NDRG3: variants seen among roughly 807,000 people sequenced by gnomAD.
NDRG3 encodes the protein NDRG family member 3.
Under a neutral mutation model 57.2 loss-of-function variants are expected in NDRG3, and 23 were observed. That is an observed-to-expected ratio of 0.40 (90% CI 0.29 to 0.57). The LOEUF is 0.57. NDRG3 is among the 20% of genes least tolerant of loss of function. The pLI is 0.42. For synonymous variants in NDRG3, 132 were observed against 162.6 expected (o/e 0.81, Z 1.43); for missense variants, 384 against 457.3 (o/e 0.84, Z 1.46).
chr20:36,676,794 G>C (rs891409193), intron 8 of NDRG3, among the ~76,000 whole-genome samples: 4 of 152,256 alleles, frequency 2.6e-5, no homozygotes, highest in African/African-American at 9.6e-5. Context: ...TAGGTGAGTT[G>C]AATGCAAGTG....
intron 1 of NDRG3, among the ~76,000 whole-genome samples, chr20:36,740,728 C>T (rs1242171586): frequency 6.6e-6 from 1 of 152,114 alleles, no homozygotes; most frequent in Non-Finnish European, 1.5e-5. Flanking sequence ...GACTACTAGC[C>T]CTTTCACTGA....
At chr20:36,706,560 A>C (rs1451798972) in intron 3 of NDRG3, among the ~76,000 whole-genome samples, 1 of 152,184 alleles carries the variant, frequency 6.6e-6, no homozygotes, top group African/African-American at 2.4e-5. Flanking sequence ...GCTGGAGTGC[A>C]GTAGCACGAT....
chr20:36,706,920 A>G, intron 3 of NDRG3, 52 bp downstream of exon 3: 1 of 1,508,032 alleles, frequency 6.6e-7, no homozygotes, highest in Non-Finnish European at 9.1e-7. Flanking sequence ...CAGGAAAGGA[A>G]ACACTGCAGA....
chr20:36,713,004 C>T (rs1032886128), intron 2 of NDRG3, among the ~76,000 whole-genome samples: 1 of 152,148 alleles, frequency 6.6e-6, no homozygotes, highest in African/African-American at 2.4e-5. Context: ...AAGCAATCCT[C>T]CTGCCTCAGT....
chr20:36,715,277 G>A (rs755787669), intron 2 of NDRG3, among the ~76,000 whole-genome samples: 3 of 150,588 alleles, frequency 2.0e-5, no homozygotes, highest in Non-Finnish European at 4.4e-5. Flanking sequence ...AACTGGTTGA[G>A]GGTCATCTGG....
intron 1 of NDRG3, among the ~76,000 whole-genome samples, chr20:36,733,171 A>ATAAATATAT (rs57063755): frequency 3.0e-5 from 1 of 33,244 alleles, no homozygotes; most frequent in Non-Finnish European, 5.5e-5. Context: ...AAAAAAAAAA[A>ATAAATATAT]ATATATATAT....
rs1428018613 is a variant in NDRG3 at position 36,660,560 on chromosome 20, A to ATTTT, written c.811-177_811-176insAAAA. 5.3e-5 allele frequency among the ~76,000 whole-genome samples: 8 copies of ATTTT among 149,868 alleles called. 1 individual carries two copies. The highest frequency in any genetic ancestry group is 1.3e-4 in the Admixed American group (2 of 15,098). On this transcript the variant is annotated intron_variant, in intron 12 of 15. Coordinates refer to ENST00000349004, the MANE Select transcript of NDRG3 (RefSeq NM_032013.4). ...GATATATTTATTTATTTATTTATTTATTTATTTATTTTTTTTTTGAGACGG... is the reference window on the plus strand; with the variant it reads ...GATATATTTATTTATTTATTTATTTATTTTTTTATTTATTTTTTTTTTGAGACGG...
At chr20:36,688,907 C>T in intron 3 of NDRG3, 123 bp from the exon 4 acceptor site, 1 of 725,722 alleles carries the variant, frequency 1.4e-6, no homozygotes, top group South Asian at 1.6e-5. Context: ...TAATAAATTA[C>T]ATGTGGCTGG....
chr20:36,692,153 G>C (rs1982314010), intron 3 of NDRG3, among the ~76,000 whole-genome samples: 1 of 152,218 alleles, frequency 6.6e-6, no homozygotes, highest in African/African-American at 2.4e-5. Context: ...AAAATGTAAA[G>C]TCAGATAATG....
intron 8 of NDRG3, among the ~76,000 whole-genome samples, chr20:36,678,506 C>T (rs1009257825): frequency 4.2e-4 from 64 of 152,124 alleles, no homozygotes; most frequent in African/African-American, 1.5e-3. Flanking sequence ...GATGGTGAAA[C>T]ACTGTCTTTA....
intron 13 of NDRG3, 126 bp from the exon 14 acceptor site, chr20:36,656,658 A>T (rs895000888): frequency 3.1e-5 from 28 of 913,144 alleles, no homozygotes; most frequent in Non-Finnish European, 5.2e-6. Context: ...GCAAGTTTGC[A>T]TCTCAATGCA....
rs11906270 is a variant in NDRG3 at position 36,695,551 on chromosome 20, G to A, written c.94-6767C>T. Among the ~76,000 whole-genome samples, 1,064 of 152,342 alleles carry A rather than the reference G, an allele frequency of 7.0e-3. 12 individuals carry two copies. The highest frequency in any genetic ancestry group is 0.024 in the African/African-American group (1,001 of 41,578). ...GAGGGGGATCTCTAAAATGGCCGCT[G>A]TGGGAGTGTCTGCCTTATGCAGTTG... On this transcript the variant is annotated intron_variant, in intron 3 of 15. Transcript: ENST00000349004.
chr20:36,684,640 G>A (rs908504664), intron 5 of NDRG3, among the ~76,000 whole-genome samples, 165 bp from the exon 6 acceptor site: 1 of 152,100 alleles, frequency 6.6e-6, no homozygotes, highest in African/African-American at 2.4e-5. Flanking sequence ...ACCTGAGGTT[G>A]GGAGTTCGAG....
At chr20:36,673,620 G>A (rs943846251) in intron 8 of NDRG3, among the ~76,000 whole-genome samples, 5 of 152,000 alleles carry the variant, frequency 3.3e-5, no homozygotes, top group Admixed American at 2.6e-4. Context: ...TGGCCAGGTG[G>A]CCAGGCCGGT....
At chr20:36,720,381 G>A (rs897850000) in intron 2 of NDRG3, among the ~76,000 whole-genome samples, 4 of 152,014 alleles carry the variant, frequency 2.6e-5, no homozygotes, top group Admixed American at 2.0e-4. Flanking sequence ...CCATGTTGGC[G>A]AGGCTGATCT....
intron 3 of NDRG3, among the ~76,000 whole-genome samples, chr20:36,700,963 G>C (rs1029770100): frequency 5.3e-5 from 8 of 151,824 alleles, no homozygotes; most frequent in African/African-American, 1.9e-4. Context: ...TTGCAGAGAT[G>C]GGGTCTCCCT....
chr20:36,669,325 G>A (rs902495852), intron 9 of NDRG3, among the ~76,000 whole-genome samples: 2 of 151,916 alleles, frequency 1.3e-5, no homozygotes, highest in Non-Finnish European at 2.9e-5. Context: ...TGCCTCCTGG[G>A]TTCAAGCAAT....
In NDRG3 at chr20:36,680,798, C is replaced by A; in HGVS notation, c.531+18G>T. On this transcript the variant is annotated intron_variant, in intron 8 of 15. Coordinates refer to ENST00000349004, the MANE Select transcript of NDRG3 (RefSeq NM_032013.4). ...ATGGGCCAAGATAAGCCGATGGACACCTTCATGTGGTACTTACTTTGGAAG... is the reference window on the plus strand; with the variant it reads ...ATGGGCCAAGATAAGCCGATGGACAACTTCATGTGGTACTTACTTTGGAAG... 2 of 1,607,758 alleles carry A rather than the reference C, an allele frequency of 1.2e-6. No homozygotes were observed. The highest frequency in any genetic ancestry group is 1.7e-6 in the Non-Finnish European group (2 of 1,174,216).
intron 7 of NDRG3, 70 bp from the exon 8 acceptor site, chr20:36,680,972 G>A (rs1981235596): frequency 4.6e-6 from 6 of 1,297,582 alleles, no homozygotes; most frequent in East Asian, 4.6e-5. Flanking sequence ...GTTGGAACAT[G>A]GTTGATCAAT....
Sources: allele counts gnomAD v4.1 joint callset (sites outside exome capture counted in the v4.1 genomes callset), GRCh38; gene constraint gnomAD v4.1.1; transcripts MANE v1.5; gene names NCBI Gene and HGNC (gene_info 2026-07-23, HGNC 2026-07-21).